The following PTPRD variants were observed in gnomAD, a reference collection of about 807,000 sequenced individuals.
PTPRD encodes the protein receptor-type tyrosine-protein phosphatase delta.
PTPRD carries 34 observed loss-of-function variants against 214.5 expected under a neutral mutation model. The ratio of observed to expected loss-of-function variants is 0.16; its 90% confidence interval spans 0.12 to 0.21. PTPRD has a LOEUF of 0.21. Ranked by LOEUF, PTPRD falls within the 10% of genes least tolerant of loss-of-function variation. The pLI is 1.00. For missense variants in PTPRD, 2,545 were observed against 2,398.7 expected, an observed-to-expected ratio of 1.06 and a Z score of -1.27; for synonymous variants, 1,128 against 845.7, an observed-to-expected ratio of 1.33 and a Z score of -5.79.
At chr9:9,921,867 C>A (rs1284026222) in intron 5 of PTPRD, among the ~76,000 whole-genome samples, 2 of 151,926 alleles carry the variant, frequency 1.3e-5, no homozygotes, top group South Asian at 4.1e-4. Flanking sequence ...CCTATCATTA[C>A]CTCCATTTTA....
chr9:10,131,516 G>C (rs1033206154), intron 3 of PTPRD, among the ~76,000 whole-genome samples: 4 of 152,138 alleles, frequency 2.6e-5, no homozygotes, highest in Non-Finnish European at 5.9e-5. Flanking sequence ...TAAAAATATA[G>C]TAACAAAATA....
intron 39 of PTPRD, among the ~76,000 whole-genome samples, chr9:8,345,141 G>A (rs1045488478): frequency 1.3e-5 from 2 of 151,950 alleles, no homozygotes; most frequent in Admixed American, 6.6e-5. Flanking sequence ...TACCTGAGGA[G>A]CTTTCTGCGT....
At chr9:9,467,815 A>G (rs112216145) in intron 8 of PTPRD, among the ~76,000 whole-genome samples, 2,514 of 152,148 alleles carry the variant, frequency 0.017, 55 homozygotes, top group African/African-American at 0.056. Flanking sequence ...TACGTGGTTA[A>G]TTACACAAAT....
intron 2 of PTPRD, among the ~76,000 whole-genome samples, chr9:10,433,925 T>A (rs2098700091): frequency 6.6e-6 from 1 of 151,902 alleles, no homozygotes; most frequent in South Asian, 2.1e-4. Flanking sequence ...TTATTTGGAA[T>A]ACCATTGGTA....
intron 9 of PTPRD, among the ~76,000 whole-genome samples, chr9:9,292,224 T>C (rs1395332293): frequency 6.6e-6 from 1 of 151,264 alleles, no homozygotes; most frequent in Non-Finnish European, 1.5e-5. Flanking sequence ...ATCATCTCAT[T>C]CACTTGAAAT....
intron 8 of PTPRD, among the ~76,000 whole-genome samples, chr9:9,479,763 C>T (rs1312660533): frequency 8.6e-6 from 1 of 116,604 alleles, no homozygotes; most frequent in African/African-American, 3.1e-5. Context: ...AAACAAAAAA[C>T]TCTTAAATTC....
chr9:8,802,968 A>C (rs555317475), intron 11 of PTPRD, among the ~76,000 whole-genome samples: 2 of 152,082 alleles, frequency 1.3e-5, no homozygotes, highest in Non-Finnish European at 2.9e-5. Flanking sequence ...TAGGAGGATC[A>C]CTTGAGCCCA....
intron 9 of PTPRD, among the ~76,000 whole-genome samples, chr9:9,251,144 G>A (rs561224288): frequency 2.8e-4 from 42 of 152,110 alleles, no homozygotes; most frequent in African/African-American, 9.9e-4. Flanking sequence ...GGGGCTATCA[G>A]AGATACATAA....
chr9:10,102,704 C>G (rs2098566827), intron 3 of PTPRD, among the ~76,000 whole-genome samples: 1 of 151,434 alleles, frequency 6.6e-6, no homozygotes, highest in South Asian at 2.1e-4. Flanking sequence ...TCACTTTTGC[C>G]AATTCACTCT....
intron 7 of PTPRD, among the ~76,000 whole-genome samples, chr9:9,668,890 T>C (rs2096773724): frequency 6.6e-6 from 1 of 152,182 alleles, no homozygotes; most frequent in Admixed American, 6.5e-5. Flanking sequence ...TGGTCTCCTA[T>C]TGACCAATCC....
chr9:9,437,178 C>T (rs533371901), intron 8 of PTPRD, among the ~76,000 whole-genome samples: 1 of 152,286 alleles, frequency 6.6e-6, no homozygotes, highest in East Asian at 1.9e-4. Flanking sequence ...AAAAGTTAAA[C>T]ACAAACAACG....
At position 8,822,377 on chromosome 9, in the gene PTPRD, A is replaced by G. The variant is rs563447732; in HGVS notation, c.-103-88431T>C. Among the ~76,000 whole-genome samples the G allele has an allele frequency of 3.3e-5, 5 of 152,358 alleles. No homozygotes were observed. In the South Asian group the frequency reaches 1.0e-3, roughly 32 times the overall value. On this transcript the variant is annotated intron_variant, in intron 11 of 45. Transcript: ENST00000381196. Reference sequence around the variant, plus strand: ...CTATAAGAACTGGAAATAAAATGTTAAAGTACAAACCAATATAATCATGTG... The same window carrying G: ...CTATAAGAACTGGAAATAAAATGTTGAAGTACAAACCAATATAATCATGTG...
chr9:10,438,968 T>C (rs1005724931), intron 2 of PTPRD, among the ~76,000 whole-genome samples: 24 of 151,850 alleles, frequency 1.6e-4, no homozygotes, highest in African/African-American at 5.3e-4. Context: ...GTATCCACGC[T>C]TTTTGTTGTC....
At chr9:8,895,125 C>A (rs534749338) in intron 11 of PTPRD, among the ~76,000 whole-genome samples, 1 of 152,126 alleles carries the variant, frequency 6.6e-6, no homozygotes, top group Non-Finnish European at 1.5e-5. Context: ...ATATTAATTA[C>A]CAATTAAAGA....
intron 2 of PTPRD, among the ~76,000 whole-genome samples, chr9:10,485,573 C>T (rs957610397): frequency 8.6e-5 from 13 of 151,954 alleles, no homozygotes; most frequent in African/African-American, 3.1e-4. Flanking sequence ...AGGCATCTTT[C>T]ACTTCTTTGG....
chr9:10,531,062 G>A (rs1161306114), intron 2 of PTPRD, among the ~76,000 whole-genome samples: 1 of 151,946 alleles, frequency 6.6e-6, no homozygotes, highest in African/African-American at 2.4e-5. Context: ...TAATTCTCCT[G>A]CGTAAGCCTT....
chr9:10,365,343 C>T (rs2154473669), intron 2 of PTPRD, among the ~76,000 whole-genome samples: 1 of 152,304 alleles, frequency 6.6e-6, no homozygotes, highest in South Asian at 2.1e-4. Context: ...ATGTTTCCAG[C>T]CACAGTCCCA....
chr9:8,701,222 T>C (rs1031112625), intron 12 of PTPRD, among the ~76,000 whole-genome samples: 2 of 152,120 alleles, frequency 1.3e-5, no homozygotes, highest in African/African-American at 4.8e-5. Flanking sequence ...AAAATAAGAA[T>C]CTTTTCCATT....
chr9:10,555,864 T>C (rs551075151), intron 2 of PTPRD, among the ~76,000 whole-genome samples: 10 of 151,796 alleles, frequency 6.6e-5, no homozygotes, highest in African/African-American at 2.4e-4. Context: ...ACTAAGAAAA[T>C]ATCAAATTAG....
Sources: allele counts gnomAD v4.1 joint callset (sites outside exome capture counted in the v4.1 genomes callset), GRCh38; gene constraint gnomAD v4.1.1; transcripts MANE v1.5; gene names NCBI Gene and HGNC (gene_info 2026-07-23, HGNC 2026-07-21).